ZNF724: variants seen among roughly 807,000 people sequenced by gnomAD.
ZNF724 encodes zinc finger protein 724 pseudogene.
ZNF724 carries 14 observed loss-of-function variants against 29.3 expected under a neutral mutation model. The ratio of observed to expected loss-of-function variants is 0.48; its 90% CI spans 0.32 to 0.75. The LOEUF (loss-of-function observed/expected upper bound fraction) is 0.75, where lower values mean the gene tolerates loss of function less well. Ranked by LOEUF, ZNF724 falls within the 30% of genes least tolerant of loss-of-function variation. ZNF724 has a pLI of 0.04. For synonymous variants in ZNF724, 180 were observed against 193.6 expected (o/e 0.93, Z 0.58); for missense variants, 557 against 571.2 (o/e 0.98, Z 0.25).
At chr19:23,243,084 A>G (rs930219715) in intron 1 of ZNF724, among the ~76,000 whole-genome samples, 34 of 151,542 alleles carry the variant, frequency 2.2e-4, no homozygotes, top group East Asian at 5.8e-4. Flanking sequence ...AGAAAATATA[A>G]TATGTAAATA....
chr19:23,243,411 G>C (rs1972169723), intron 1 of ZNF724, among the ~76,000 whole-genome samples: 1 of 142,960 alleles, frequency 7.0e-6, no homozygotes, highest in Non-Finnish European at 1.5e-5. Context: ...GGGAGGCAGA[G>C]GTTGCAGTGA....
chr19:23,226,050 CTTT>C (rs35158570), intron 3 of ZNF724, among the ~76,000 whole-genome samples: 75 of 95,174 alleles, frequency 7.9e-4, no homozygotes, highest in South Asian at 2.0e-3. Flanking sequence ...GAGAGAGGGT[CTTT>C]TTTTTTTTTT....
intron 1 of ZNF724, chr19:23,242,543 C>T (rs1027608060): frequency 6.8e-6 from 1 of 148,124 alleles, no homozygotes; most frequent in Non-Finnish European, 1.5e-5. Context: ...GTGAAACCCC[C>T]TCTCTACTAA....
chr19:23,248,841 A>C (rs1972292163), intron 1 of ZNF724, among the ~76,000 whole-genome samples: 1 of 152,038 alleles, frequency 6.6e-6, no homozygotes, highest in Admixed American at 6.6e-5. Flanking sequence ...CTAAAAATAC[A>C]AAAATTAGCC....
intron 1 of ZNF724, among the ~76,000 whole-genome samples, chr19:23,235,074 A>G (rs973132545): frequency 6.6e-6 from 1 of 152,132 alleles, no homozygotes; most frequent in African/African-American, 2.4e-5. Context: ...CAATGCCTGA[A>G]TAAGTCTGCA....
intron 3 of ZNF724, 29 bp from the exon 4 acceptor site, chr19:23,224,047 C>A: frequency 3.2e-6 from 2 of 618,660 alleles, no homozygotes; most frequent in South Asian, 4.0e-5. Context: ...ACAACTTACT[C>A]CACATACTAG....
intron 3 of ZNF724, among the ~76,000 whole-genome samples, 167 bp from the exon 4 acceptor site, chr19:23,224,185 G>A (rs935172490): frequency 4.6e-5 from 7 of 152,266 alleles, no homozygotes; most frequent in African/African-American, 1.7e-4. Context: ...GCTGAGATGG[G>A]CAGATCACCT....
chr19:23,235,151 C>T (rs1274173650), intron 1 of ZNF724, among the ~76,000 whole-genome samples: 1 of 152,240 alleles, frequency 6.6e-6, no homozygotes, highest in Non-Finnish European at 1.5e-5. Context: ...GAGTATGTTA[C>T]AGAGCACTGT....
chr19:23,222,635 TCAC>T lies in ZNF724; in HGVS notation c.1607_1609del (p.Cys536_Glu537delinsTer). On this transcript the variant is annotated stop_gained and inframe_deletion, in exon 4 of 4. Transcript: ENST00000418100. LOFTEE classifies it high-confidence loss of function. ...TTGGTAAAAAGCTTTGCCACATTCT[TCAC>T]ATTTGTAGGGTTTCTCTCCAGCATG... is the stretch of plus-strand genomic sequence containing the variant. The T allele has an allele frequency of 2.2e-6, 3 of 1,363,072 alleles. No individual in the cohort carries two copies. Among genetic ancestry groups the T allele is most frequent in the Non-Finnish European group, 3.1e-6 (3 of 954,862 alleles). The allele number at this position is 1,363,072 out of a possible 1,614,324, so 84.4% of individuals were successfully genotyped here.
chr19:23,247,244 C>G (rs1245922166), intron 1 of ZNF724, among the ~76,000 whole-genome samples: 3 of 151,684 alleles, frequency 2.0e-5, no homozygotes, highest in Non-Finnish European at 4.4e-5. Flanking sequence ...AAAAAATGTA[C>G]CTGAGAAAAT....
intron 1 of ZNF724, among the ~76,000 whole-genome samples, chr19:23,245,885 A>C (rs1972225404): frequency 6.6e-6 from 1 of 152,172 alleles, no homozygotes; most frequent in Admixed American, 6.5e-5. Flanking sequence ...CTTCAGTAAG[A>C]TCCTTTCAGT....
In ZNF724 at chr19:23,225,413, C is replaced by T. The variant is rs1054018490; in HGVS notation, c.227-1395G>A. ...TGAGGTCAGGAGTTCCAGACCAGCC[C>T]GGGCAACATGGTGAAACCCCATTTC... is the stretch of plus-strand genomic sequence containing the variant. On this transcript the variant is annotated intron_variant, in intron 3 of 3. Transcript: ENST00000418100. Among the ~76,000 whole-genome samples, 8 of 151,940 alleles carry T rather than the reference C, an allele frequency of 5.3e-5. No individual in the cohort carries two copies. The South Asian group carries it at 6.2e-4, about 12-fold the overall frequency.
Position 23,228,343 on chromosome 19 carries a change from G to A in ZNF724, c.226+2923C>T, listed in dbSNP as rs558372727. 2.0e-5 allele frequency among the ~76,000 whole-genome samples: 3 copies of A among 151,620 alleles called. No individual in the cohort carries two copies. The East Asian group carries it at 5.9e-4, about 30-fold the overall frequency. ...CGCATGCCTGTAATCCCAGCTACTCGGGAGGCTGAGACAGCAGAATTGATC... is the reference window on the plus strand; with the variant it reads ...CGCATGCCTGTAATCCCAGCTACTCAGGAGGCTGAGACAGCAGAATTGATC... On this transcript the variant is annotated intron_variant, in intron 3 of 3. Coordinates refer to ENST00000418100, the MANE Select transcript of ZNF724 (RefSeq NM_001355404.2).
chr19:23,242,748 T>C (rs1972151903), intron 1 of ZNF724: 2 of 139,464 alleles, frequency 1.4e-5, no homozygotes, highest in Non-Finnish European at 3.1e-5. Flanking sequence ...ATAATAATAA[T>C]AATAATACAG....
At chr19:23,239,439 A>G (rs1264048350) in intron 1 of ZNF724, among the ~76,000 whole-genome samples, 2 of 152,236 alleles carry the variant, frequency 1.3e-5, no homozygotes, top group Non-Finnish European at 2.9e-5. Context: ...ATCCAATTAC[A>G]TGGAAATTTA....
chr19:23,224,474 T>C (rs926085601), intron 3 of ZNF724, among the ~76,000 whole-genome samples: 3 of 152,048 alleles, frequency 2.0e-5, no homozygotes, highest in Non-Finnish European at 2.9e-5. Context: ...AATTTCCTTA[T>C]AGACATATAA....
chr19:23,229,790 ACTTGAAGAGGTGTTTGTTT>A (rs11267179), intron 3 of ZNF724, among the ~76,000 whole-genome samples: 71,341 of 151,876 alleles, frequency 0.47, 18,777 homozygotes, highest in East Asian at 0.68. Context: ...GTTTATAAAA[ACTTGAAGAGGTGTTTGTTT>A]CTTGAAATTC....
At chr19:23,247,908 C>CGG (rs1334768782) in intron 1 of ZNF724, among the ~76,000 whole-genome samples, 1 of 152,190 alleles carries the variant, frequency 6.6e-6, no homozygotes, top group Admixed American at 6.5e-5. Flanking sequence ...GGCTACACTC[C>CGG]ATACCTCAGC....
chr19:23,237,974 C>T (rs1599644431), intron 1 of ZNF724, among the ~76,000 whole-genome samples: 1 of 152,144 alleles, frequency 6.6e-6, no homozygotes, highest in African/African-American at 2.4e-5. Flanking sequence ...TAGTCTTTAT[C>T]ATTCTGTATT....
Sources: gnomAD v4.1 joint callset for allele counts (sites outside exome capture counted in the v4.1 genomes callset) on GRCh38, gnomAD v4.1.1 for gene constraint, MANE v1.5 for transcripts, NCBI Gene and HGNC (gene_info 2026-07-23, HGNC 2026-07-21) for gene names.